The following CALD1 variants were observed in gnomAD, a reference collection of about 807,000 sequenced individuals.
CALD1 encodes caldesmon.
In CALD1, 33 loss-of-function variants were observed where a neutral mutation model predicts 99.9. The ratio of observed to expected loss-of-function variants is 0.33; its 90% CI spans 0.25 to 0.44. The LOEUF is 0.44. CALD1 is among the 20% of genes least tolerant of loss of function. The probability of loss-of-function intolerance (pLI) is 1.00; values close to 1 mark genes in which losing one functional copy is unlikely to be tolerated. For missense variants in CALD1, 861 were observed against 962.1 expected (o/e 0.89, Z 1.39); for synonymous variants, 310 against 325.0 (o/e 0.95, Z 0.50).
the CALD1 span, among the ~76,000 whole-genome samples, chr7:134,713,126 A>T: frequency 6.6e-6 from 1 of 152,228 alleles, no homozygotes; most frequent in Non-Finnish European, 1.5e-5. Context: ...ACTAGTCAGC[A>T]TCAGGAAATA....
At chr7:134,767,185 CTCTCTG>C (rs1471948821) in intron 1 of CALD1, among the ~76,000 whole-genome samples, 1 of 136,198 alleles carries the variant, frequency 7.3e-6, no homozygotes, top group Non-Finnish European at 1.6e-5. Flanking sequence ...CACTCTCTCT[CTCTCTG>C]TCTCTGTGTG....
intron 3 of CALD1, among the ~76,000 whole-genome samples, chr7:134,887,503 G>A (rs972585590): frequency 5.9e-5 from 9 of 152,266 alleles, no homozygotes; most frequent in South Asian, 2.1e-4. Flanking sequence ...TGTACTACTC[G>A]AACTGTTGCC....
At chr7:134,854,174 C>T (rs529886286) in intron 2 of CALD1, among the ~76,000 whole-genome samples, 12 of 152,128 alleles carry the variant, frequency 7.9e-5, no homozygotes, top group South Asian at 2.1e-4. Flanking sequence ...AATAAACATA[C>T]GTGTGCATGT....
intron 1 of CALD1, among the ~76,000 whole-genome samples, chr7:134,828,533 G>A (rs1488257730): frequency 6.6e-6 from 1 of 152,144 alleles, no homozygotes; most frequent in Non-Finnish European, 1.5e-5. Context: ...GTCCAATGTT[G>A]TTCTCGTTGC....
intron 9 of CALD1, among the ~76,000 whole-genome samples, chr7:134,955,853 ATTGT>A (rs1301445866): frequency 1.3e-5 from 2 of 152,138 alleles, no homozygotes; most frequent in African/African-American, 2.4e-5. Context: ...TTATTGGCTA[ATTGT>A]TTGGCTGACA....
chr7:134,887,610 G>T (rs866621345), intron 3 of CALD1, among the ~76,000 whole-genome samples: 1 of 151,010 alleles, frequency 6.6e-6, no homozygotes, highest in African/African-American at 2.4e-5. Flanking sequence ...ATGCATGCAT[G>T]CGTGTATATG....
intron 3 of CALD1, among the ~76,000 whole-genome samples, chr7:134,924,832 T>C (rs1002696072): frequency 6.6e-6 from 1 of 152,072 alleles, no homozygotes; most frequent in Non-Finnish European, 1.5e-5. Context: ...ATGGGTGCAG[T>C]TTCCCCCGTG....
chr7:134,837,515 T>A (rs9690640), intron 1 of CALD1, among the ~76,000 whole-genome samples: 3 of 152,096 alleles, frequency 2.0e-5, no homozygotes, highest in Non-Finnish European at 2.9e-5. Flanking sequence ...CTAATTTTTT[T>A]AATTTTTATT....
Position 134,838,282 on chromosome 7 carries a change from T to C in CALD1, c.-129-5602T>C, listed in dbSNP as rs569427189. The stretch of plus-strand genomic sequence containing the variant: ...AGATTCTCATACAGACATAAACCTA[T>C]ACACTAAACTACAAGCATACTATAG... On this transcript the variant is annotated intron_variant, in intron 1 of 14. Transcript: ENST00000361675. Among the ~76,000 whole-genome samples the C allele has an allele frequency of 1.0e-3, 152 of 152,290 alleles. 1 individual carries two copies. The highest frequency in any genetic ancestry group is 3.7e-3 in the Admixed American group (56 of 15,284).
At chr7:134,895,148 A>G (rs1802473165) in intron 3 of CALD1, among the ~76,000 whole-genome samples, 1 of 151,576 alleles carries the variant, frequency 6.6e-6, no homozygotes, top group Non-Finnish European at 1.5e-5. Context: ...TAATTGGCAC[A>G]ATTTTTAAAG....
chr7:134,748,011 G>A (rs1027455880), intron 1 of CALD1, among the ~76,000 whole-genome samples: 1 of 152,244 alleles, frequency 6.6e-6, no homozygotes, highest in Admixed American at 6.5e-5. Flanking sequence ...GCTGTCCAAG[G>A]CCATGAAGGC....
chr7:134,757,342 T>A (rs1796738852), intron 1 of CALD1, among the ~76,000 whole-genome samples: 1 of 152,152 alleles, frequency 6.6e-6, no homozygotes, highest in Non-Finnish European at 1.5e-5. Flanking sequence ...CCCACTTCCA[T>A]TCTCTACGTT....
the CALD1 span, among the ~76,000 whole-genome samples, chr7:134,724,480 G>C: frequency 6.6e-6 from 1 of 152,154 alleles, no homozygotes; most frequent in African/African-American, 2.4e-5. Flanking sequence ...TGTGACCTTG[G>C]ACAAAGAAAG....
chr7:134,856,223 G>A (rs1800295101), intron 2 of CALD1, among the ~76,000 whole-genome samples: 1 of 152,220 alleles, frequency 6.6e-6, no homozygotes, highest in African/African-American at 2.4e-5. Context: ...GGCAGGCAGA[G>A]TGAGCTTCTG....
chr7:134,817,739 T>C (rs1798613725), intron 1 of CALD1, among the ~76,000 whole-genome samples: 3 of 152,178 alleles, frequency 2.0e-5, no homozygotes, highest in South Asian at 4.1e-4. Flanking sequence ...CAGAAATCCA[T>C]TGGTGCAAAG....
chr7:134,965,810 G>GC (rs375440460), intron 14 of CALD1, among the ~76,000 whole-genome samples: 51 of 144,444 alleles, frequency 3.5e-4, no homozygotes, highest in African/African-American at 1.2e-3. Context: ...ACTGCCAGCA[G>GC]CCTAAGACTC....
chr7:134,948,488 G>A (rs1266490288), intron 8 of CALD1, among the ~76,000 whole-genome samples: 2 of 152,118 alleles, frequency 1.3e-5, no homozygotes, highest in Non-Finnish European at 2.9e-5. Flanking sequence ...TTTACAAAGT[G>A]CATTCTTTCA....
chr7:134,842,687 C>T (rs1463400856), intron 1 of CALD1, among the ~76,000 whole-genome samples: 1 of 152,146 alleles, frequency 6.6e-6, no homozygotes, highest in Non-Finnish European at 1.5e-5. Flanking sequence ...TTGGAAAATG[C>T]CATCTTTCTG....
the CALD1 span, among the ~76,000 whole-genome samples, chr7:134,727,067 C>T: frequency 1.3e-5 from 2 of 152,216 alleles, no homozygotes; most frequent in African/African-American, 2.4e-5. Context: ...TGAACCCCAA[C>T]TGCAAGGGAG....
Sources: allele counts gnomAD v4.1 joint callset (sites outside exome capture counted in the v4.1 genomes callset), GRCh38; gene constraint gnomAD v4.1.1; transcripts MANE v1.5; gene names NCBI Gene and HGNC (gene_info 2026-07-23, HGNC 2026-07-21).